FGL2: variants seen among roughly 807,000 people sequenced by gnomAD.
FGL2 encodes fibroleukin.
Under a neutral mutation model 36.0 loss-of-function variants are expected in FGL2, and 21 were observed. The ratio of observed to expected loss-of-function variants is 0.58; its 90% CI spans 0.41 to 0.84. FGL2 has a LOEUF of 0.84. Ranked by LOEUF, FGL2 falls within the 40% of genes least tolerant of loss-of-function variation. The pLI, the probability that FGL2 is intolerant of heterozygous loss-of-function variation, is 0.00. For synonymous variants in FGL2, 183 were observed against 190.7 expected (o/e 0.96, Z 0.33); for missense variants, 444 against 526.3 (o/e 0.84, Z 1.53).
chr7:77,199,395 T>C lies in FGL2; in HGVS notation c.399A>G (p.Leu133=), dbSNP rs767168412. ...GEVGDNRVRE[L]ESEVNKLSSE... ...AGGACAGCTTGTTAACCTCACTCTC[T>C]AATTCTCTAACTCTGTTATCACCAA... is the stretch of plus-strand genomic sequence containing the variant. Residue 133 remains leucine, a synonymous_variant, in exon 1 of 2, where the codon TTA becomes TTG. Coordinates refer to ENST00000248598, the MANE Select transcript of FGL2 (RefSeq NM_006682.3). The C allele has an allele frequency of 6.2e-7, 1 of 1,614,172 alleles. No individual in the cohort carries two copies. The highest frequency in any genetic ancestry group is 8.5e-7 in the Non-Finnish European group (1 of 1,180,014).
chr7:77,199,254 T>C lies in FGL2; in HGVS notation c.540A>G (p.Leu180=). Residue 180 remains leucine, a synonymous_variant, in exon 1 of 2, where the codon CTA becomes CTG. Coordinates refer to ENST00000248598, the MANE Select transcript of FGL2 (RefSeq NM_006682.3). ...ENYVDSKVAN[L]TFVVNSLDGK... The stretch of plus-strand genomic sequence containing the variant: ...CATCCAAACTATTGACAACAAATGT[T>C]AGATTTGCCACTTTGCTGTCAACAT... 1 of 1,614,064 alleles carries C rather than the reference T, an allele frequency of 6.2e-7. No homozygotes were observed. The highest frequency in any genetic ancestry group is 8.5e-7 in the Non-Finnish European group (1 of 1,179,928).
rs1035500495 is a variant in FGL2 at position 77,194,633 on chromosome 7, T to A, written c.*1646A>T. The A allele has an allele frequency of 1.3e-5, 2 of 152,228 alleles. No individual in the cohort carries two copies. Among genetic ancestry groups the A allele is most frequent in the East Asian group, 3.9e-4 (2 of 5,190 alleles). 9.4% of individuals were successfully genotyped at this position (152,228 alleles called of 1,614,324 possible). Reference sequence around the variant, plus strand: ...AAGCAACTATCCTCCTTAATCATTTTAAAATAATGGGTAAAGATGCATCTT... The same window carrying A: ...AAGCAACTATCCTCCTTAATCATTTAAAAATAATGGGTAAAGATGCATCTT... On this transcript the variant is annotated 3_prime_UTR_variant, in exon 2 of 2. Transcript: ENST00000248598.
intron 1 of FGL2, among the ~76,000 whole-genome samples, 176 bp from the exon 2 acceptor site, chr7:77,197,161 T>A: frequency 6.6e-6 from 1 of 152,210 alleles, no homozygotes; most frequent in Non-Finnish European, 1.5e-5. Flanking sequence ...AAGAACCTAA[T>A]GTTATAAAGC....
intron 1 of FGL2, chr7:77,198,249 G>C (rs185048918): frequency 3.0e-6 from 3 of 985,304 alleles, no homozygotes; most frequent in Admixed American, 6.1e-5. Context: ...CCTGGGGATG[G>C]AGCATGCCTG....
Position 77,196,698 on chromosome 7 carries a change from TCA to T in FGL2, c.899_900del (p.Leu300GlnfsTer5). 1 of 1,614,218 alleles carries T rather than the reference TCA, an allele frequency of 6.2e-7. No individual in the cohort carries two copies. The highest frequency in any genetic ancestry group is 1.6e-4 in the Middle Eastern group (1 of 6,062). On this transcript the variant is annotated frameshift_variant, in exon 2 of 2. Coordinates refer to ENST00000248598, the MANE Select transcript of FGL2 (RefSeq NM_006682.3). LOFTEE classifies it high-confidence loss of function. The surrounding 1 kb of genome is among the most constrained non-coding windows in gnomAD (Gnocchi z 4.2). ...HLLTKSKEMI[L>X]RIDLEDFNGV... is the part of the protein sequence containing the mutation. ...CCATTAAAGTCTTCAAGATCTATTCTCAGAATCATTTCCTTACTCTTGGTCAG... is the reference window on the plus strand; with the variant it reads ...CCATTAAAGTCTTCAAGATCTATTCTGAATCATTTCCTTACTCTTGGTCAG...
chr7:77,197,606 G>T (rs892120735), intron 1 of FGL2, among the ~76,000 whole-genome samples: 2 of 152,204 alleles, frequency 1.3e-5, no homozygotes, highest in African/African-American at 4.8e-5. Flanking sequence ...ACCTAAAGGG[G>T]CTGATAGCCT....
rs551889952 is a variant in FGL2, at chr7:77,193,545, C to T, written c.*2734G>A. The T allele has an allele frequency of 6.6e-6, 1 of 152,234 alleles. No homozygotes were observed. Among genetic ancestry groups the T allele is most frequent in the East Asian group, 1.9e-4 (1 of 5,188 alleles). The allele number at this position is 152,234 out of a possible 1,614,324, so 9.4% of individuals were successfully genotyped here. ...TTACTCATAACTTTTACCTTTAAAA[C>T]CTTTTCTTGGGTAGCTATTCAAAAG... On this transcript the variant is annotated 3_prime_UTR_variant, in exon 2 of 2. Transcript: ENST00000248598.
rs909168197 is a variant in FGL2, at chr7:77,196,117, A to C, written c.*162T>G. On this transcript the variant is annotated 3_prime_UTR_variant, in exon 2 of 2. Coordinates refer to ENST00000248598, the MANE Select transcript of FGL2 (RefSeq NM_006682.3). This position sits in a 1 kb window ranked among gnomAD's most constrained non-coding sequence, Gnocchi z 4.2. ...ACAACAAAGGACTCCTTTAAAATGC[A>C]TTGTTTTTCAGCTTTATTTCAAATG... The C allele has an allele frequency of 2.2e-5, 13 of 594,538 alleles. No homozygotes were observed. Among genetic ancestry groups the C allele is most frequent in the Admixed American group, 6.3e-5 (2 of 31,850 alleles). 36.8% of individuals were successfully genotyped at this position (594,538 alleles called of 1,614,324 possible).
rs1040716364 is a variant in FGL2 at position 77,194,899 on chromosome 7, A to T, written c.*1380T>A. ...TATAGCATTCCAGAATTGATGAATT[A>T]TAAAAATTACAGATACTTCTGTTTG... On this transcript the variant is annotated 3_prime_UTR_variant, in exon 2 of 2. Coordinates refer to ENST00000248598, the MANE Select transcript of FGL2 (RefSeq NM_006682.3). The T allele has an allele frequency of 1.6e-4, 24 of 152,172 alleles. No individual in the cohort carries two copies. The highest frequency in any genetic ancestry group is 1.6e-3 in the Admixed American group (24 of 15,270). 9.4% of individuals were successfully genotyped at this position (152,172 alleles called of 1,614,324 possible).
chr7:77,197,635 A>G (rs1347809427), intron 1 of FGL2, among the ~76,000 whole-genome samples: 1 of 152,248 alleles, frequency 6.6e-6, no homozygotes, highest in African/African-American at 2.4e-5. Context: ...AGAAGGTTTT[A>G]TAGCATATAT....
In FGL2 at chr7:77,199,492, A is replaced by G; in HGVS notation, c.302T>C (p.Leu101Pro). 1 of 1,614,094 alleles carries G rather than the reference A, an allele frequency of 6.2e-7. No homozygotes were observed. The highest frequency in any genetic ancestry group is 8.5e-7 in the Non-Finnish European group (1 of 1,180,006). ...SLKKSCQDCK[L>P]QADDNGDPGR... ...TGGGTCTCCGTTGTCATCAGCCTGC[A>G]GCTTGCAGTCTTGGCAAGATTTCTT... The change falls in exon 1 of 2, where the codon CTG (leucine) becomes CCG (proline). Residue 101 changes from leucine (L) to proline (P), a missense_variant. Physicochemically the swap from Leu to Pro is moderately conservative, Grantham distance 98. Transcript: ENST00000248598.
rs767168412 is a variant in FGL2 at position 77,199,395 on chromosome 7, T to G, written c.399A>C (p.Leu133Phe). The change falls in exon 1 of 2, where the codon TTA becomes TTC. Residue 133 changes from leucine to phenylalanine, a missense_variant. Physicochemically the swap from Leu to Phe is conservative, Grantham distance 22 (BLOSUM62 0). Transcript: ENST00000248598. ...AGGACAGCTTGTTAACCTCACTCTC[T>G]AATTCTCTAACTCTGTTATCACCAA... is the stretch of plus-strand genomic sequence containing the variant. ...GEVGDNRVRE[L>F]ESEVNKLSSE... 5.0e-6 allele frequency: 8 copies of G among 1,614,172 alleles called. No homozygotes were observed. Among genetic ancestry groups the G allele is most frequent in the Non-Finnish European group, 6.8e-6 (8 of 1,180,014 alleles).
intron 1 of FGL2, among the ~76,000 whole-genome samples, chr7:77,197,208 T>C (rs1194966897): frequency 1.3e-5 from 2 of 152,220 alleles, no homozygotes; most frequent in African/African-American, 2.4e-5. Flanking sequence ...TTGGTAGTAA[T>C]AATGACAGCA....
chr7:77,196,918 G>A lies in FGL2; in HGVS notation c.681C>T (p.Tyr227=). The A allele has an allele frequency of 1.2e-6, 2 of 1,613,796 alleles. No individual in the cohort carries two copies. The highest frequency in any genetic ancestry group is 1.7e-6 in the Non-Finnish European group (2 of 1,179,874). Residue 227 remains tyrosine (Y), a synonymous_variant, in exon 2 of 2, where the codon TAC becomes TAT. Coordinates refer to ENST00000248598, the MANE Select transcript of FGL2 (RefSeq NM_006682.3). This position sits in a 1 kb window ranked among gnomAD's most constrained non-coding sequence, Gnocchi z 4.2. ...TATTTTTGGGATCAGGTGTAACTCTGTAGGTCTCACTGCTTCTTTTGCCTA... is the reference window on the plus strand; with the variant it reads ...TATTTTTGGGATCAGGTGTAACTCTATAGGTCTCACTGCTTCTTTTGCCTA... The part of the protein sequence containing the change: ...YAIGKRSSET[Y]RVTPDPKNSS...
Position 77,199,577 on chromosome 7 carries a change from T to A in FGL2, c.217A>T (p.Ser73Cys). 6.2e-7 allele frequency: 1 copy of A among 1,614,206 alleles called. No homozygotes were observed. Among genetic ancestry groups the A allele is most frequent in the Non-Finnish European group, 8.5e-7 (1 of 1,180,026 alleles). The change falls in exon 1 of 2, where the codon AGC becomes TGC. Residue 73 changes from serine to cysteine, a missense_variant. Ser to Cys is a moderately radical substitution (Grantham distance 112, BLOSUM62 -1). Coordinates refer to ENST00000248598, the MANE Select transcript of FGL2 (RefSeq NM_006682.3). ...PLTIQLPKQFSRIEEVFKEVQ... is the reference protein window; with the variant it reads ...PLTIQLPKQFCRIEEVFKEVQ... ...TCTTTGAACACCTCCTCGATCCTGC[T>A]GAATTGCTTCGGGAGCTGAATAGTC...
rs1352255908 is a variant in FGL2, at chr7:77,199,512, T to C, written c.282A>G (p.Lys94=). The part of the protein sequence containing the change: ...NLKEIVNSLK[K]SCQDCKLQAD... ...CCTGCAGCTTGCAGTCTTGGCAAGA[T>C]TTCTTTAGACTATTTACGATTTCCT... Residue 94 remains lysine (K), a synonymous_variant, in exon 1 of 2, where the codon AAA becomes AAG. Coordinates refer to ENST00000248598, the MANE Select transcript of FGL2 (RefSeq NM_006682.3). 3 of 1,614,160 alleles carry C rather than the reference T, an allele frequency of 1.9e-6. No homozygotes were observed. The highest frequency in any genetic ancestry group is 2.5e-6 in the Non-Finnish European group (3 of 1,180,032).
At position 77,199,403 on chromosome 7, in the gene FGL2, T is replaced by C; in HGVS notation, c.391A>G (p.Arg131Gly). 1 of 1,614,180 alleles carries C rather than the reference T, an allele frequency of 6.2e-7. No individual in the cohort carries two copies. Among genetic ancestry groups the C allele is most frequent in the Non-Finnish European group, 8.5e-7 (1 of 1,180,010 alleles). ...APGEVGDNRV[R>G]ELESEVNKLS... is the part of the protein sequence containing the mutation. ...TTGTTAACCTCACTCTCTAATTCTC[T>C]AACTCTGTTATCACCAACCTCTCCC... The change falls in exon 1 of 2, where the codon AGA (arginine) becomes GGA (glycine). Residue 131 changes from arginine (R) to glycine (G), a missense_variant. By Grantham distance (125) the Arg-to-Gly change is moderately radical. Transcript: ENST00000248598.
Position 77,199,161 on chromosome 7 carries a change from G to A in FGL2, c.613+20C>T. The A allele has an allele frequency of 3.8e-6, 6 of 1,593,948 alleles. No homozygotes were observed. The highest frequency in any genetic ancestry group is 5.1e-6 in the Non-Finnish European group (6 of 1,168,530). ...TATAACATTTATGAACATATGATAA[G>A]AAAACATTATTATACATACCTGGAC... On this transcript the variant is annotated intron_variant, in intron 1 of 1. Transcript: ENST00000248598.
rs1218926973 is a variant in FGL2 at position 77,194,004 on chromosome 7, CTG to C, written c.*2273_*2274del. The C allele has an allele frequency of 1.3e-5, 2 of 152,372 alleles. No individual in the cohort carries two copies. The highest frequency in any genetic ancestry group is 2.9e-5 in the Non-Finnish European group (2 of 67,936). 9.4% of individuals were successfully genotyped at this position (152,372 alleles called of 1,614,324 possible). A position where few individuals can be genotyped will look rare whatever the true frequency, so the allele number is the denominator to read the frequency against. On this transcript the variant is annotated 3_prime_UTR_variant, in exon 2 of 2. Transcript: ENST00000248598. ...ATGAAATGATTCCAAAATGGAATTTCTGTGTTACAGAATTTACTAGAAAAGTG... is the reference window on the plus strand; with the variant it reads ...ATGAAATGATTCCAAAATGGAATTTCTGTTACAGAATTTACTAGAAAAGTG...
Sources: allele counts gnomAD v4.1 joint callset (sites outside exome capture counted in the v4.1 genomes callset), GRCh38; gene constraint gnomAD v4.1.1; non-coding constraint Gnocchi (gnomAD v3.1); transcripts MANE v1.5; gene names NCBI Gene and HGNC (gene_info 2026-07-23, HGNC 2026-07-21).